AGPS: variants seen among roughly 807,000 people sequenced by gnomAD.
The protein encoded by AGPS is alkylglycerone phosphate synthase.
A neutral mutation model predicts 90.7 loss-of-function variants in AGPS; 26 were observed. That is an observed-to-expected ratio of 0.29 (90% CI 0.21 to 0.40). The LOEUF is 0.40. Ranked by LOEUF, AGPS falls within the 10% of genes least tolerant of loss-of-function variation. AGPS has a pLI of 1.00. For missense variants in AGPS, 540 were observed against 816.1 expected (o/e 0.66, Z 4.12); for synonymous variants, 294 against 285.3 (o/e 1.03, Z -0.31).
intron 19 of AGPS, among the ~76,000 whole-genome samples, chr2:177,534,566 CTTTCT>C (rs754752336): frequency 9.3e-6 from 1 of 107,440 alleles, no homozygotes. Flanking sequence ...CATTAGTTTT[CTTTCT>C]TTTCTTTTCT....
intron 8 of AGPS, among the ~76,000 whole-genome samples, chr2:177,450,194 A>C (rs2105649565): frequency 6.6e-6 from 1 of 152,212 alleles, no homozygotes; most frequent in Admixed American, 6.5e-5. Flanking sequence ...GGAATTCTTT[A>C]TTTATTCTGG....
chr2:177,469,793 C>A (rs1241866818), intron 10 of AGPS, among the ~76,000 whole-genome samples: 2 of 151,972 alleles, frequency 1.3e-5, no homozygotes, highest in Non-Finnish European at 2.9e-5. Context: ...TTGGAGTCAA[C>A]TCTATAAATA....
intron 14 of AGPS, among the ~76,000 whole-genome samples, chr2:177,504,766 A>G (rs893665411): frequency 2.0e-5 from 3 of 152,114 alleles, no homozygotes; most frequent in Non-Finnish European, 4.4e-5. Context: ...TCTGTATGAT[A>G]ATGGAAAAAG....
At chr2:177,400,480 A>G (rs562726725) in intron 1 of AGPS, among the ~76,000 whole-genome samples, 1 of 152,284 alleles carries the variant, frequency 6.6e-6, no homozygotes, top group South Asian at 2.1e-4. Flanking sequence ...TTAATTCTGG[A>G]TCTTTCAGTA....
chr2:177,403,592 AT>A (rs761355390), intron 1 of AGPS, among the ~76,000 whole-genome samples: 9 of 152,248 alleles, frequency 5.9e-5, no homozygotes, highest in Non-Finnish European at 1.0e-4. Context: ...GCATTCTAAA[AT>A]GTTATGCATT....
At chr2:177,410,134 G>T (rs1156890054) in intron 1 of AGPS, among the ~76,000 whole-genome samples, 1 of 152,158 alleles carries the variant, frequency 6.6e-6, no homozygotes, top group Non-Finnish European at 1.5e-5. Context: ...TGTTTCTCCT[G>T]CCGAGTACTG....
chr2:177,512,105 AAAG>A (rs1688891992), intron 16 of AGPS, among the ~76,000 whole-genome samples: 1 of 152,148 alleles, frequency 6.6e-6, no homozygotes, highest in Non-Finnish European at 1.5e-5. Context: ...GTTCCAAAGA[AAAG>A]AACTTACTAC....
chr2:177,511,242 G>A (rs777986215), intron 16 of AGPS, among the ~76,000 whole-genome samples: 1 of 151,998 alleles, frequency 6.6e-6, no homozygotes, highest in Non-Finnish European at 1.5e-5. Context: ...TAGGATCCCA[G>A]GTGCACGTCA....
chr2:177,461,232 A>G (rs559467328), intron 8 of AGPS, among the ~76,000 whole-genome samples: 21 of 152,358 alleles, frequency 1.4e-4, no homozygotes, highest in African/African-American at 4.1e-4. Context: ...AAGGGCATCT[A>G]TTCAATCTCA....
rs1246020633 is a variant in AGPS at position 177,540,047 on chromosome 2, A to G, written c.*1852A>G. On this transcript the variant is annotated 3_prime_UTR_variant, in exon 20 of 20. Transcript: ENST00000264167. Reference sequence around the variant, plus strand: ...TCACTGGAAGTATATATATATATATATATATATGTATGCATGTGTGTGTGT... The same window carrying G: ...TCACTGGAAGTATATATATATATATGTATATATGTATGCATGTGTGTGTGT... 1.7e-5 allele frequency: 2 copies of G among 118,328 alleles called. No homozygotes were observed. The highest frequency in any genetic ancestry group is 5.1e-4 in the East Asian group (2 of 3,898). 7.3% of individuals were successfully genotyped at this position (118,328 alleles called of 1,614,324 possible). A position where few individuals can be genotyped will look rare whatever the true frequency, so the allele number is the denominator to read the frequency against.
At chr2:177,449,287 T>A (rs1159245443) in intron 8 of AGPS, among the ~76,000 whole-genome samples, 1 of 152,240 alleles carries the variant, frequency 6.6e-6, no homozygotes, top group Non-Finnish European at 1.5e-5. Flanking sequence ...CCAGAGTGAT[T>A]ATATCATTTT....
chr2:177,456,611 G>A (rs906984250), intron 8 of AGPS, among the ~76,000 whole-genome samples: 4 of 152,032 alleles, frequency 2.6e-5, no homozygotes, highest in East Asian at 1.9e-4. Context: ...GGTTTTTTTG[G>A]TATCTGTATC....
intron 5 of AGPS, among the ~76,000 whole-genome samples, chr2:177,439,413 G>C (rs975904408): frequency 6.6e-6 from 1 of 152,138 alleles, no homozygotes; most frequent in Admixed American, 6.5e-5. Flanking sequence ...CTTTTGATTA[G>C]GTGACATTCC....
Position 177,397,772 on chromosome 2 carries a change from T to C in AGPS, c.260+4723T>C, listed in dbSNP as rs74924190. 3.8e-3 allele frequency among the ~76,000 whole-genome samples: 572 copies of C among 152,322 alleles called. 3 individuals are homozygous for C. The highest frequency in any genetic ancestry group is 0.013 in the African/African-American group (542 of 41,574). On this transcript the variant is annotated intron_variant, in intron 1 of 19. Transcript: ENST00000264167. ...GTCGGGCATGGTGACTCACACCCCA[T>C]AATCCCAGCACTTTGGGAGGCCAAG...
At position 177,461,903 on chromosome 2, in the gene AGPS, G is replaced by T. The variant is rs1251976301; in HGVS notation, c.881G>T (p.Ser294Ile). The T allele has an allele frequency of 1.2e-6, 2 of 1,611,408 alleles. No individual in the cohort carries two copies. Among genetic ancestry groups the T allele is most frequent in the South Asian group, 1.1e-5 (1 of 91,048 alleles). Residue 294 changes from serine (S) to isoleucine (I), a missense_variant, in exon 9 of 20, where the codon AGT becomes ATT. Physicochemically the swap from Ser to Ile is moderately radical, Grantham distance 142. This residue lies in a region of AGPS where 405 missense variants were observed against 692.1 expected (regional missense o/e 0.59). Coordinates refer to ENST00000264167, the MANE Select transcript of AGPS (RefSeq NM_003659.4). ...GQELERQLKESGYCTGHEPDS... is the reference protein window; with the variant it reads ...GQELERQLKEIGYCTGHEPDS... The stretch of plus-strand genomic sequence containing the variant: ...ATTTTTGTTTTTCAGCTTAAAGAAA[G>T]TGGTTATTGTACAGGTCATGAACCA...
At chr2:177,532,685 A>T (rs972805197) in intron 19 of AGPS, among the ~76,000 whole-genome samples, 1 of 152,212 alleles carries the variant, frequency 6.6e-6, no homozygotes, top group African/African-American at 2.4e-5. Flanking sequence ...AGCTTTATTC[A>T]TAATAGCATA....
intron 2 of AGPS, among the ~76,000 whole-genome samples, chr2:177,425,460 A>C (rs1686051827): frequency 6.6e-6 from 1 of 151,894 alleles, no homozygotes; most frequent in Admixed American, 6.6e-5. Flanking sequence ...GTCTCTACTA[A>C]AAATACAAAA....
chr2:177,439,316 A>G (rs929458349), intron 5 of AGPS, among the ~76,000 whole-genome samples: 9 of 152,220 alleles, frequency 5.9e-5, no homozygotes, highest in African/African-American at 1.7e-4. Context: ...AGTGCTGTAA[A>G]GAAAAGAAAA....
chr2:177,519,815 T>G (rs1191348991), intron 17 of AGPS, among the ~76,000 whole-genome samples: 1 of 152,168 alleles, frequency 6.6e-6, no homozygotes, highest in Non-Finnish European at 1.5e-5. Context: ...TCAGGGCAAG[T>G]CCACAGTGCA....
Sources: gnomAD v4.1 joint callset for allele counts (sites outside exome capture counted in the v4.1 genomes callset) on GRCh38, gnomAD v4.1.1 for gene constraint, gnomAD v4.1.1 regional missense constraint, MANE v1.5 for transcripts, NCBI Gene and HGNC (gene_info 2026-07-23, HGNC 2026-07-21) for gene names.